Variants in FKBP11 observed in about 807,000 individuals in gnomAD.
The protein encoded by FKBP11 is peptidyl-prolyl cis-trans isomerase FKBP11.
Under a neutral mutation model 24.7 loss-of-function variants are expected in FKBP11, and 21 were observed. The observed-to-expected ratio is 0.85, with a 90% CI of 0.60 to 1.23. The LOEUF (loss-of-function observed/expected upper bound fraction) is 1.23, where lower values mean the gene tolerates loss of function less well. FKBP11 is among the 50% of genes most tolerant of loss of function. The pLI, the probability that FKBP11 is intolerant of heterozygous loss-of-function variation, is 0.00. For synonymous variants in FKBP11, 106 were observed against 100.6 expected (o/e 1.05, Z -0.32); for missense variants, 245 against 248.7 (o/e 0.99, Z 0.10).
upstream of FKBP11, chr12:48,925,725 T>G: frequency 2.3e-6 from 1 of 432,926 alleles, no homozygotes; most frequent in Non-Finnish European, 4.2e-6. Flanking sequence ...TACGATTACC[T>G]ACTGTGTGTC....
upstream of FKBP11, chr12:48,931,453 G>A: frequency 5.2e-6 from 8 of 1,536,044 alleles, no homozygotes; most frequent in Non-Finnish European, 7.0e-6. Flanking sequence ...ACCAGAGAAG[G>A]AGCTTTTTCC....
Sources: gnomAD v4.1 joint callset for allele counts on GRCh38, gnomAD v4.1.1 for gene constraint, MANE v1.5 for transcripts, NCBI Gene and HGNC (gene_info 2026-07-23, HGNC 2026-07-21) for gene names.